The following PIK3CB variants were observed in gnomAD, a reference collection of about 807,000 sequenced individuals.
PIK3CB encodes the protein phosphatidylinositol 4,5-bisphosphate 3-kinase catalytic subunit beta isoform.
Under a neutral mutation model 136.8 loss-of-function variants are expected in PIK3CB, and 39 were observed. That is an observed-to-expected ratio of 0.29 (90% CI 0.22 to 0.37). The LOEUF (loss-of-function observed/expected upper bound fraction) is 0.37, where lower values mean the gene tolerates loss of function less well. Ranked by LOEUF, PIK3CB falls within the 10% of genes least tolerant of loss-of-function variation. The probability of loss-of-function intolerance (pLI) is 1.00; values close to 1 mark genes in which losing one functional copy is unlikely to be tolerated. For synonymous variants in PIK3CB, 428 were observed against 436.6 expected, an observed-to-expected ratio of 0.98 and a Z score of 0.25; for missense variants, 868 against 1,275.4, an observed-to-expected ratio of 0.68 and a Z score of 4.87.
At chr3:138,776,835 A>G (rs1017102572) in intron 2 of PIK3CB, among the ~76,000 whole-genome samples, 3 of 149,098 alleles carry the variant, frequency 2.0e-5, no homozygotes, top group African/African-American at 7.5e-5. Context: ...AGGTAGGAGG[A>G]TCACTTGAGC....
intron 2 of PIK3CB, among the ~76,000 whole-genome samples, chr3:138,776,981 T>TA (rs546535571): frequency 2.9e-4 from 43 of 150,772 alleles, no homozygotes; most frequent in South Asian, 2.5e-3. Context: ...AAAAGTAGCT[T>TA]AAAAAAATTG....
chr3:138,700,722 G>GATAGATAGATAGATAGATAGATT (rs1559825042), intron 12 of PIK3CB, among the ~76,000 whole-genome samples: 16 of 151,450 alleles, frequency 1.1e-4, no homozygotes, highest in African/African-American at 3.9e-4. Flanking sequence ...TAGATAGATA[G>GATAGATAGATAGATAGATAGATT]ATAGATAGAT....
chr3:138,827,831 A>C (rs1415172043), intron 1 of PIK3CB, among the ~76,000 whole-genome samples: 1 of 151,734 alleles, frequency 6.6e-6, no homozygotes, highest in Non-Finnish European at 1.5e-5. Context: ...AATACAAAAA[A>C]AAAAAAAATT....
At position 138,780,265 on chromosome 3, in the gene PIK3CB, GT is replaced by G. The variant is rs1453662960; in HGVS notation, c.-17+16197del. Reference sequence around the variant, plus strand: ...TGAGCCCACCAGAAAACTAACTTTTGTTTTTTTGTTTTTTTTGTTTTTTTGA... The same window carrying G: ...TGAGCCCACCAGAAAACTAACTTTTGTTTTTTGTTTTTTTTGTTTTTTTGA... On this transcript the variant is annotated intron_variant, in intron 2 of 23. Transcript: ENST00000674063. 2.6e-5 allele frequency among the ~76,000 whole-genome samples: 4 copies of G among 151,408 alleles called. No individual in the cohort carries two copies. The East Asian group carries it at 5.8e-4, about 22-fold the overall frequency.
intron 1 of PIK3CB, among the ~76,000 whole-genome samples, chr3:138,804,331 G>C (rs940336541): frequency 6.6e-6 from 1 of 151,962 alleles, no homozygotes; most frequent in Non-Finnish European, 1.5e-5. Context: ...CTGGGCAACA[G>C]AGCAAGAGCC....
At chr3:138,793,539 G>C (rs2046076391) in intron 2 of PIK3CB, among the ~76,000 whole-genome samples, 1 of 151,708 alleles carries the variant, frequency 6.6e-6, no homozygotes, top group South Asian at 2.1e-4. Context: ...CTGGGAGGCA[G>C]AGGTTGCAAT....
intron 2 of PIK3CB, chr3:138,778,047 C>T: frequency 1.1e-5 from 4 of 364,814 alleles, no homozygotes; most frequent in South Asian, 8.6e-5. Context: ...AATACCATAA[C>T]CATTTTCTAG....
chr3:138,819,304 G>A (rs1039328091), intron 1 of PIK3CB, among the ~76,000 whole-genome samples: 2 of 150,790 alleles, frequency 1.3e-5, no homozygotes, highest in South Asian at 2.1e-4. Context: ...CCGAGATTGC[G>A]CCATTGTCCT....
At chr3:138,791,193 A>G (rs2108814847) in intron 2 of PIK3CB, among the ~76,000 whole-genome samples, 2 of 150,536 alleles carry the variant, frequency 1.3e-5, no homozygotes, top group African/African-American at 2.4e-5. Flanking sequence ...CCCAGGCTGG[A>G]GTGCAGTGGT....
At position 138,707,194 on chromosome 3, in the gene PIK3CB, T is replaced by C. The variant is rs2044397093; in HGVS notation, c.1495A>G (p.Lys499Glu). Residue 499 changes from lysine to glutamate, a missense_variant, in exon 11 of 24, where the codon AAA becomes GAA. By Grantham distance (56) the Lys-to-Glu change is moderately conservative. Transcript: ENST00000674063. ...TALHVKFPEN[K>E]KQPYYYPPFD... ...GGAGGGTAATAATAAGGTTGTTTTT[T>C]ATTCTCTGGAAATTTAACATGCAAA... The C allele has an allele frequency of 6.2e-7, 1 of 1,612,062 alleles. No homozygotes were observed. The highest frequency in any genetic ancestry group is 1.3e-5 in the African/African-American group (1 of 74,884).
intron 1 of PIK3CB, among the ~76,000 whole-genome samples, chr3:138,799,747 G>C (rs1047959318): frequency 2.0e-5 from 3 of 151,974 alleles, no homozygotes; most frequent in African/African-American, 7.3e-5. Flanking sequence ...GCATGATCAC[G>C]GTTCACTGCA....
chr3:138,698,887 T>C lies in PIK3CB; in HGVS notation c.1770+20A>G, dbSNP rs748510391. ...AGTACCATACACCCAAAAAAAGTTA[T>C]AGAAACGATCTTTTGTTACCTGAGC... On this transcript the variant is annotated intron_variant, in intron 13 of 23. Coordinates refer to ENST00000674063, the MANE Select transcript of PIK3CB (RefSeq NM_006219.3). 2.1e-5 allele frequency: 32 copies of C among 1,552,106 alleles called. No individual in the cohort carries two copies. Among genetic ancestry groups the C allele is most frequent in the Non-Finnish European group, 2.6e-5 (30 of 1,134,630 alleles).
chr3:138,733,271 T>C, intron 8 of PIK3CB, 90 bp downstream of exon 8: 1 of 546,562 alleles, frequency 1.8e-6, no homozygotes, highest in East Asian at 3.1e-5. Flanking sequence ...ATGGGTAAAA[T>C]TCAATCTCCA....
chr3:138,761,409 G>A (rs534832893), intron 2 of PIK3CB, among the ~76,000 whole-genome samples: 65 of 152,354 alleles, frequency 4.3e-4, no homozygotes, highest in African/African-American at 1.5e-3. Context: ...TGGAAGGACT[G>A]TTAAAGAATT....
Position 138,655,438 on chromosome 3 carries a change from G to A in PIK3CB, c.3164C>T (p.Thr1055Ile), listed in dbSNP as rs747499837. 1.2e-6 allele frequency: 2 copies of A among 1,614,050 alleles called. No homozygotes were observed. Among genetic ancestry groups the A allele is most frequent in the East Asian group, 2.2e-5 (1 of 44,886 alleles). ...FDEALRESWTTKVNWMAHTVR... is the reference protein window; with the variant it reads ...FDEALRESWTIKVNWMAHTVR... ...TGTGTGGGCCATCCAGTTCACTTTA[G>A]TAGTCCAGCTTTCCCTGAGCGCCTC... The change falls in exon 24 of 24, where the codon ACT (threonine) becomes ATT (isoleucine). Residue 1055 changes from threonine to isoleucine, a missense_variant. Transcript: ENST00000674063.
At chr3:138,797,350 C>T (rs1418136100) in intron 1 of PIK3CB, 1 of 152,104 alleles carries the variant, frequency 6.6e-6, no homozygotes, top group African/African-American at 2.4e-5. Context: ...TTAAGAATTT[C>T]AAGACGGTGA....
intron 3 of PIK3CB, among the ~76,000 whole-genome samples, chr3:138,757,859 A>C (rs1318553681): frequency 2.6e-5 from 4 of 152,194 alleles, no homozygotes; most frequent in Admixed American, 1.3e-4. Flanking sequence ...GCAGTTCCTC[A>C]AAAGTTAAAA....
At chr3:138,823,180 T>C (rs1403473397) in intron 1 of PIK3CB, among the ~76,000 whole-genome samples, 1 of 151,480 alleles carries the variant, frequency 6.6e-6, no homozygotes, top group Non-Finnish European at 1.5e-5. Flanking sequence ...CCAGCTACTC[T>C]GGAGCCTGAG....
Position 138,665,049 on chromosome 3 carries a change from C to G in PIK3CB, c.2659G>C (p.Glu887Gln). 6.2e-7 allele frequency: 1 copy of G among 1,609,114 alleles called. No individual in the cohort carries two copies. Among genetic ancestry groups the G allele is most frequent in the African/African-American group, 1.3e-5 (1 of 74,950 alleles). The change falls in exon 20 of 24, where the codon GAA (glutamate) becomes CAA (glutamine). Residue 887 changes from glutamate to glutamine, a missense_variant. This residue lies in a region of PIK3CB where 165 missense variants were observed against 295.4 expected (regional missense o/e 0.56). Coordinates refer to ENST00000674063, the MANE Select transcript of PIK3CB (RefSeq NM_006219.3). ...NKDALLNWLKEYNSGDDLDRA... is the reference protein window; with the variant it reads ...NKDALLNWLKQYNSGDDLDRA... ...GAATAAACTAACCCAGAGTTGTATT[C>G]TTTAAGCCAGTTCAGAAGGGCATCT...
Sources: gnomAD v4.1 joint callset for allele counts (sites outside exome capture counted in the v4.1 genomes callset) on GRCh38, gnomAD v4.1.1 for gene constraint, gnomAD v4.1.1 regional missense constraint, MANE v1.5 for transcripts, NCBI Gene and HGNC (gene_info 2026-07-23, HGNC 2026-07-21) for gene names.